Variants in TTC29 observed in about 807,000 individuals in gnomAD.
The protein encoded by TTC29 is tetratricopeptide repeat domain 29, also known as tetratricopeptide repeat protein 29.
In TTC29, 49 loss-of-function variants were observed where a neutral mutation model predicts 58.1. The observed-to-expected ratio is 0.84, with a 90% CI of 0.67 to 1.07. TTC29 has a LOEUF of 1.07. Ranked by LOEUF, TTC29 falls within the 50% of genes least tolerant of loss-of-function variation. TTC29 has a pLI of 0.00. For synonymous variants in TTC29, 209 were observed against 196.8 expected, an observed-to-expected ratio of 1.06 and a Z score of -0.52; for missense variants, 582 against 555.6, an observed-to-expected ratio of 1.05 and a Z score of -0.48.
Position 146,927,482 on chromosome 4 carries a change from T to A in TTC29, c.176+10112A>T, listed in dbSNP as rs182780078. Among the ~76,000 whole-genome samples, 486 of 152,268 alleles carry A rather than the reference T, an allele frequency of 3.2e-3. 4 individuals are homozygous for A. The highest frequency in any genetic ancestry group is 0.011 in the African/African-American group (458 of 41,562). On this transcript the variant is annotated intron_variant, in intron 4 of 12. Transcript: ENST00000325106. Reference sequence around the variant, plus strand: ...TTGTCTACACTCTCTTTCCATTTTTTAAATCCTGGCCATGACCCCCAAACC... The same window carrying A: ...TTGTCTACACTCTCTTTCCATTTTTAAAATCCTGGCCATGACCCCCAAACC...
chr4:146,919,219 A>G (rs1468751629), intron 4 of TTC29, among the ~76,000 whole-genome samples: 1 of 151,058 alleles, frequency 6.6e-6, no homozygotes, highest in Non-Finnish European at 1.5e-5. Context: ...GACTCCAAAC[A>G]CCTTTGGCTA....
At chr4:146,930,899 A>G (rs1460601587) in intron 4 of TTC29, among the ~76,000 whole-genome samples, 24 of 152,134 alleles carry the variant, frequency 1.6e-4, no homozygotes, top group Admixed American at 1.6e-3. Context: ...GAATTTCCCA[A>G]ATGGTTTTTA....
chr4:146,940,785 A>G (rs894274144), intron 2 of TTC29, among the ~76,000 whole-genome samples: 7 of 152,216 alleles, frequency 4.6e-5, no homozygotes, highest in African/African-American at 1.7e-4. Context: ...TCCAGGCTCC[A>G]AAGGCAAGTA....
chr4:146,805,127 C>T (rs895643695), intron 10 of TTC29, among the ~76,000 whole-genome samples: 2 of 152,112 alleles, frequency 1.3e-5, no homozygotes, highest in Admixed American at 1.3e-4. Flanking sequence ...ACTCCAGCAG[C>T]CCTGCAGGAG....
At chr4:146,906,422 C>A (rs1030981013) in intron 5 of TTC29, among the ~76,000 whole-genome samples, 3 of 152,082 alleles carry the variant, frequency 2.0e-5, no homozygotes, top group Admixed American at 6.6e-5. Context: ...TGAGAAGCAA[C>A]GAGATTGCTC....
intron 10 of TTC29, among the ~76,000 whole-genome samples, chr4:146,815,596 T>G (rs1751345097): frequency 6.6e-6 from 1 of 152,130 alleles, no homozygotes. Context: ...ATGGGGCAGA[T>G]AAGAGGAGCT....
chr4:146,750,739 G>T (rs550250824), intron 11 of TTC29, among the ~76,000 whole-genome samples: 1 of 152,094 alleles, frequency 6.6e-6, no homozygotes, highest in Admixed American at 6.5e-5. Context: ...AAACAATAAA[G>T]GAACTTAAGC....
intron 5 of TTC29, 59 bp downstream of exon 5, chr4:146,908,967 C>T: frequency 7.0e-7 from 1 of 1,421,610 alleles, no homozygotes; most frequent in Non-Finnish European, 9.8e-7. Flanking sequence ...CTGGAATCTT[C>T]CCCCAGGAGC....
chr4:146,800,896 C>T (rs1458030750), intron 11 of TTC29, among the ~76,000 whole-genome samples: 1 of 152,122 alleles, frequency 6.6e-6, no homozygotes, highest in African/African-American at 2.4e-5. Context: ...GCAGAATATG[C>T]CAAATGAAAA....
chr4:146,862,369 G>T (rs112799837), intron 8 of TTC29, among the ~76,000 whole-genome samples: 79 of 152,004 alleles, frequency 5.2e-4, no homozygotes, highest in African/African-American at 1.9e-3. Context: ...CATCACAGAA[G>T]ACCCTGCAGA....
chr4:146,708,669 G>C (rs1045461033), intron 11 of TTC29, among the ~76,000 whole-genome samples: 4 of 151,582 alleles, frequency 2.6e-5, no homozygotes, highest in African/African-American at 9.7e-5. Flanking sequence ...CCAGTTTTCA[G>C]GTCCCTTCAT....
intron 2 of TTC29, among the ~76,000 whole-genome samples, chr4:146,943,162 A>G (rs1370131512): frequency 2.8e-5 from 4 of 142,652 alleles, no homozygotes; most frequent in African/African-American, 1.0e-4. Context: ...CATACAGATC[A>G]ACTGTGCTTT....
At chr4:146,806,970 T>C (rs1325689762) in intron 10 of TTC29, among the ~76,000 whole-genome samples, 3 of 152,156 alleles carry the variant, frequency 2.0e-5, no homozygotes, top group Admixed American at 1.3e-4. Context: ...TATTCTAAAA[T>C]TGACCACATA....
rs773517202 is a variant in TTC29 at position 146,874,761 on chromosome 4, G to C, written c.754C>G (p.Gln252Glu). 7 of 1,608,950 alleles carry C rather than the reference G, an allele frequency of 4.4e-6. No individual in the cohort carries two copies. Among genetic ancestry groups the C allele is most frequent in the Non-Finnish European group, 4.2e-6 (5 of 1,177,996 alleles). ...DKMLENKEYKQAIKILIKASE... is the reference protein window; with the variant it reads ...DKMLENKEYKEAIKILIKASE... Reference sequence around the variant, plus strand: ...GCTTTTATTAGAATTTTGATGGCCTGTTTGTATTCTTTATTTTCTAGCATT... The same window carrying C: ...GCTTTTATTAGAATTTTGATGGCCTCTTTGTATTCTTTATTTTCTAGCATT... Residue 252 changes from glutamine to glutamate, a missense_variant, in exon 7 of 13, where the codon CAG becomes GAG. Coordinates refer to ENST00000325106, the MANE Select transcript of TTC29 (RefSeq NM_031956.4).
At chr4:146,807,455 G>A (rs1750695478) in intron 10 of TTC29, among the ~76,000 whole-genome samples, 1 of 152,062 alleles carries the variant, frequency 6.6e-6, no homozygotes, top group Admixed American at 6.6e-5. Flanking sequence ...CCAGGAGCTG[G>A]TTTTTTGAAA....
At chr4:146,911,627 G>T (rs1733903276) in intron 4 of TTC29, among the ~76,000 whole-genome samples, 1 of 152,194 alleles carries the variant, frequency 6.6e-6, no homozygotes, top group Non-Finnish European at 1.5e-5. Context: ...GCAAGTTCAA[G>T]ACCATGTCTC....
At chr4:146,761,038 A>C (rs1746857068) in intron 11 of TTC29, among the ~76,000 whole-genome samples, 1 of 151,764 alleles carries the variant, frequency 6.6e-6, no homozygotes, top group Non-Finnish European at 1.5e-5. Flanking sequence ...TGTGGGAGCT[A>C]AGCTATGAGG....
At chr4:146,898,288 G>T (rs192656560) in intron 6 of TTC29, among the ~76,000 whole-genome samples, 2 of 152,296 alleles carry the variant, frequency 1.3e-5, no homozygotes, top group Admixed American at 1.3e-4. Flanking sequence ...GCCTTCCACT[G>T]CTGGGTGTTT....
At chr4:146,836,033 C>G (rs1220614741) in intron 8 of TTC29, among the ~76,000 whole-genome samples, 2 of 152,106 alleles carry the variant, frequency 1.3e-5, no homozygotes, top group Non-Finnish European at 2.9e-5. Context: ...TACTTGGATT[C>G]ATGTCCTAGC....
Sources: gnomAD v4.1 joint callset for allele counts (sites outside exome capture counted in the v4.1 genomes callset) on GRCh38, gnomAD v4.1.1 for gene constraint, MANE v1.5 for transcripts, NCBI Gene and HGNC (gene_info 2026-07-23, HGNC 2026-07-21) for gene names.